The following CFAP43 variants were observed in gnomAD, a reference collection of about 807,000 sequenced individuals.
CFAP43 encodes cilia- and flagella-associated protein 43.
Under a neutral mutation model 218.9 loss-of-function variants are expected in CFAP43, and 155 were observed. The observed-to-expected ratio is 0.71, with a 90% CI of 0.62 to 0.81. The LOEUF (loss-of-function observed/expected upper bound fraction) is 0.81, where lower values mean the gene tolerates loss of function less well. Among genes scored for constraint, CFAP43 ranks in the 30% least tolerant of loss-of-function variants. The pLI is 0.00. For synonymous variants in CFAP43, 645 were observed against 681.3 expected (o/e 0.95, Z 0.83); for missense variants, 1,778 against 1,954.3 (o/e 0.91, Z 1.70).
rs1368915770 is a variant in CFAP43, at chr10:104,143,335, A to G, written c.4158+91T>C. On this transcript the variant is annotated intron_variant, in intron 32 of 37. Coordinates refer to ENST00000357060, the MANE Select transcript of CFAP43 (RefSeq NM_025145.7). ...ATACTACCCTAGCAGGGAAACCTAA[A>G]TAATTAGCTTTTTTGGTTACACTGA... is the stretch of plus-strand genomic sequence containing the variant. The G allele has an allele frequency of 1.9e-5, 21 of 1,127,094 alleles. No individual in the cohort carries two copies. In the East Asian group the frequency reaches 4.9e-4, roughly 26 times the overall value. 69.8% of individuals were successfully genotyped at this position (1,127,094 alleles called of 1,614,324 possible). A position where few individuals can be genotyped will look rare whatever the true frequency, so the allele number is the denominator to read the frequency against.
At chr10:104,144,574 G>A (rs1452437269) in intron 31 of CFAP43, among the ~76,000 whole-genome samples, 2 of 152,280 alleles carry the variant, frequency 1.3e-5, no homozygotes, top group Admixed American at 6.5e-5. Context: ...GCTTGAACCC[G>A]GGAGGCGGAG....
At chr10:104,159,787 C>G (rs2088775953) in intron 27 of CFAP43, among the ~76,000 whole-genome samples, 1 of 152,144 alleles carries the variant, frequency 6.6e-6, no homozygotes, top group Non-Finnish European at 1.5e-5. Flanking sequence ...GATCCTGCTA[C>G]TTAAAGTAGG....
intron 3 of CFAP43, among the ~76,000 whole-genome samples, chr10:104,215,534 A>G (rs1431018631): frequency 6.6e-6 from 1 of 152,124 alleles, no homozygotes; most frequent in Non-Finnish European, 1.5e-5. Flanking sequence ...GAGACAACTG[A>G]AAGCCTGGGC....
chr10:104,156,950 G>A lies in CFAP43; in HGVS notation c.3540+4087C>T, dbSNP rs116844053. On this transcript the variant is annotated intron_variant, in intron 27 of 37. Transcript: ENST00000357060. Reference sequence around the variant, plus strand: ...GGTCCCCTCAACATAAGGGGCACATGATCCATTCTGTAAGCAACTGGCAAG... The same window carrying A: ...GGTCCCCTCAACATAAGGGGCACATAATCCATTCTGTAAGCAACTGGCAAG... Among the ~76,000 whole-genome samples, 550 of 152,250 alleles carry A rather than the reference G, an allele frequency of 3.6e-3. 3 individuals are homozygous for A. The highest frequency in any genetic ancestry group is 0.017 in the Middle Eastern group (5 of 294).
At chr10:104,191,557 C>G (rs573401513) in intron 12 of CFAP43, among the ~76,000 whole-genome samples, 1 of 152,190 alleles carries the variant, frequency 6.6e-6, no homozygotes, top group African/African-American at 2.4e-5. Context: ...TGAGCCTACA[C>G]AGTATCTGAG....
Position 104,207,793 on chromosome 10 carries a change from G to A in CFAP43, c.767C>T (p.Pro256Leu), listed in dbSNP as rs139208454. 3.1e-6 allele frequency: 5 copies of A among 1,613,782 alleles called. No homozygotes were observed. The highest frequency in any genetic ancestry group is 2.2e-5 in the East Asian group (1 of 44,868). ...PKDDLYPLLH[P>L]TMHCWTPTSD... ...TGTTGGAGTCCAGCAATGCATAGTC[G>A]GGTGAAGCAAAGGATATAGATCATC... The change falls in exon 6 of 38, where the codon CCG (proline) becomes CTG (leucine). Residue 256 changes from proline (P) to leucine (L), a missense_variant. Pro to Leu is a moderately conservative substitution (Grantham distance 98). Transcript: ENST00000357060.
intron 28 of CFAP43, 99 bp downstream of exon 28, chr10:104,152,508 A>C: frequency 6.5e-7 from 1 of 1,538,342 alleles, no homozygotes; most frequent in Non-Finnish European, 8.8e-7. Context: ...AGAGCATACA[A>C]GATCTTAGTA....
intron 28 of CFAP43, 73 bp downstream of exon 28, chr10:104,152,534 G>A: frequency 6.3e-7 from 1 of 1,588,404 alleles, no homozygotes; most frequent in Non-Finnish European, 8.5e-7. Context: ...TAAGGATGTT[G>A]ATCTTCATCC....
rs1402685565 is a variant in CFAP43 at position 104,143,421 on chromosome 10, T to G, written c.4158+5A>C. 1 of 1,612,066 alleles carries G rather than the reference T, an allele frequency of 6.2e-7. No individual in the cohort carries two copies. The highest frequency in any genetic ancestry group is 1.3e-5 in the African/African-American group (1 of 74,876). On this transcript the variant is annotated splice_donor_5th_base_variant and intron_variant, in intron 32 of 37. Coordinates refer to ENST00000357060, the MANE Select transcript of CFAP43 (RefSeq NM_025145.7). ...AAAATTAAATTAAGTTAAAATAGTA[T>G]ATACTTTCTGTTCATTTTCCACTTT...
chr10:104,167,676 A>AG lies in CFAP43; in HGVS notation c.2752dup (p.Leu918ProfsTer14). ...CTGTAAAACTCTTTCCAATTCTTTC[A>AG]GCTCTTCAACCGTGCGCGCTTTCAT... On this transcript the variant is annotated frameshift_variant, in exon 22 of 38. Coordinates refer to ENST00000357060, the MANE Select transcript of CFAP43 (RefSeq NM_025145.7). LOFTEE classifies it high-confidence loss of function. 6.2e-7 allele frequency: 1 copy of AG among 1,612,656 alleles called. No homozygotes were observed. Among genetic ancestry groups the AG allele is most frequent in the Non-Finnish European group, 8.5e-7 (1 of 1,179,646 alleles).
chr10:104,182,757 G>T (rs1366714665), intron 16 of CFAP43, among the ~76,000 whole-genome samples: 4 of 151,550 alleles, frequency 2.6e-5, no homozygotes, highest in Admixed American at 2.6e-4. Flanking sequence ...TGTCACCTAG[G>T]CTGGAGTACA....
At chr10:104,186,994 A>T (rs2090051080) in intron 14 of CFAP43, among the ~76,000 whole-genome samples, 1 of 152,218 alleles carries the variant, frequency 6.6e-6, no homozygotes, top group Non-Finnish European at 1.5e-5. Flanking sequence ...AAATCAAATC[A>T]TCTACCTTGT....
chr10:104,152,554 T>G, intron 28 of CFAP43, 53 bp downstream of exon 28: 1 of 1,604,830 alleles, frequency 6.2e-7, no homozygotes, highest in Non-Finnish European at 8.5e-7. Context: ...CTAAGAACCA[T>G]GGAAGGGCCC....
intron 32 of CFAP43, 119 bp downstream of exon 32, chr10:104,143,307 C>G (rs1241052497): frequency 2.3e-6 from 2 of 860,070 alleles, no homozygotes; most frequent in Non-Finnish European, 3.5e-6. Flanking sequence ...TTACTATGAC[C>G]AAATACTACC....
At chr10:104,176,888 T>C (rs1035444575) in intron 19 of CFAP43, among the ~76,000 whole-genome samples, 3 of 152,154 alleles carry the variant, frequency 2.0e-5, no homozygotes, top group Middle Eastern at 3.2e-3. Context: ...CTAACTCTAA[T>C]TATCATAAAT....
In CFAP43 at chr10:104,162,400, TAATCTGAAAGAGAA is replaced by T; in HGVS notation, c.3247-11_3249del. ...CACGGCTTAATGTGTTTGTGGGCTG[TAATCTGAAAGAGAA>T]AATGTCATTTCCTGCTATTATTCTT... is the stretch of plus-strand genomic sequence containing the variant. On this transcript the variant is annotated splice_acceptor_variant and splice_polypyrimidine_tract_variant and coding_sequence_variant and intron_variant, in exon 25 of 38. Transcript: ENST00000357060. LOFTEE classifies it high-confidence loss of function. 6.2e-7 allele frequency: 1 copy of T among 1,613,126 alleles called. No individual in the cohort carries two copies. The highest frequency in any genetic ancestry group is 8.5e-7 in the Non-Finnish European group (1 of 1,179,026).
At position 104,167,808 on chromosome 10, in the gene CFAP43, G is replaced by A. The variant is rs542779119; in HGVS notation, c.2692-71C>T. 305 of 1,135,822 alleles carry A rather than the reference G, an allele frequency of 2.7e-4. 1 individual carries two copies. In the African/African-American group the frequency reaches 4.4e-3, roughly 16 times the overall value. 70.4% of individuals were successfully genotyped at this position (1,135,822 alleles called of 1,614,324 possible). On this transcript the variant is annotated intron_variant, in intron 21 of 37. Coordinates refer to ENST00000357060, the MANE Select transcript of CFAP43 (RefSeq NM_025145.7). ...ATTGTGTGTATCTGGGGTTGAGTAGGGGATGTTTTCTGTGATTAAAATTAA... is the reference window on the plus strand; with the variant it reads ...ATTGTGTGTATCTGGGGTTGAGTAGAGGATGTTTTCTGTGATTAAAATTAA...
At position 104,194,016 on chromosome 10, in the gene CFAP43, T is replaced by C; in HGVS notation, c.1294-2A>G. On this transcript the variant is annotated splice_acceptor_variant, in intron 10 of 37. Coordinates refer to ENST00000357060, the MANE Select transcript of CFAP43 (RefSeq NM_025145.7). LOFTEE classifies it high-confidence loss of function. Reference sequence around the variant, plus strand: ...TGGACAGCAAGCCAGAACCGTTGCCTGTTTAAAATAAACCCCAGATGCGTA... The same window carrying C: ...TGGACAGCAAGCCAGAACCGTTGCCCGTTTAAAATAAACCCCAGATGCGTA... 6.2e-7 allele frequency: 1 copy of C among 1,612,932 alleles called. No homozygotes were observed. Among genetic ancestry groups the C allele is most frequent in the Non-Finnish European group, 8.5e-7 (1 of 1,179,998 alleles).
At chr10:104,191,821 G>A (rs184806435) in intron 12 of CFAP43, among the ~76,000 whole-genome samples, 7 of 150,932 alleles carry the variant, frequency 4.6e-5, no homozygotes. Context: ...CAGTTGGCAT[G>A]TAAAGCCAGA....
Sources: gnomAD v4.1 joint callset for allele counts (sites outside exome capture counted in the v4.1 genomes callset) on GRCh38, gnomAD v4.1.1 for gene constraint, MANE v1.5 for transcripts, NCBI Gene and HGNC (gene_info 2026-07-23, HGNC 2026-07-21) for gene names.